Variants in NFASC observed in about 807,000 individuals in gnomAD.
NFASC encodes the protein neurofascin.
A neutral mutation model predicts 147.5 loss-of-function variants in NFASC; 43 were observed. The observed-to-expected ratio is 0.29, with a 90% confidence interval of 0.23 to 0.38. NFASC has a LOEUF of 0.38. NFASC is among the 10% of genes least tolerant of loss of function. The pLI is 1.00. For missense variants in NFASC, 1,320 were observed against 1,689.0 expected, an observed-to-expected ratio of 0.78 and a Z score of 3.83; for synonymous variants, 622 against 665.5, an observed-to-expected ratio of 0.93 and a Z score of 1.01.
intron 1 of NFASC, among the ~76,000 whole-genome samples, chr1:204,905,203 G>A (rs1314172666): frequency 6.6e-6 from 1 of 152,190 alleles, no homozygotes; most frequent in Non-Finnish European, 1.5e-5. Context: ...TCCTGCCTCA[G>A]CCTCCTGAGT....
At chr1:204,974,854 G>A (rs781471321) in intron 14 of NFASC, 31 bp downstream of exon 14, 29 of 1,600,652 alleles carry the variant, frequency 1.8e-5, no homozygotes, top group Admixed American at 3.3e-5. Context: ...GTGGGAGTTT[G>A]GAGAGGGACA....
intron 1 of NFASC, among the ~76,000 whole-genome samples, chr1:204,856,403 G>A (rs2076164483): frequency 6.6e-6 from 1 of 151,590 alleles, no homozygotes; most frequent in African/African-American, 2.4e-5. Context: ...GTGTGTGTGT[G>A]TGTGTGTGTG....
intron 24 of NFASC, among the ~76,000 whole-genome samples, chr1:204,996,195 A>C (rs2095843012): frequency 6.6e-6 from 1 of 152,192 alleles, no homozygotes; most frequent in Non-Finnish European, 1.5e-5. Context: ...ATCCAAGGAT[A>C]GCTTTGGGTG....
rs549267101 is a variant in NFASC at position 204,889,806 on chromosome 1, G to A, written c.-199-30826G>A. Reference sequence around the variant, plus strand: ...ATTGGTGAGATTTATCTGGCGGCTGGGAGCTGTCATCAGGTTTTCAGAGTA... The same window carrying A: ...ATTGGTGAGATTTATCTGGCGGCTGAGAGCTGTCATCAGGTTTTCAGAGTA... On this transcript the variant is annotated intron_variant, in intron 1 of 29. Transcript: ENST00000339876. Among the ~76,000 whole-genome samples, 9 of 152,278 alleles carry A rather than the reference G, an allele frequency of 5.9e-5. No individual in the cohort carries two copies. The South Asian group carries it at 1.5e-3, about 25-fold the overall frequency.
chr1:204,857,429 T>C (rs2076248428), intron 1 of NFASC, among the ~76,000 whole-genome samples: 2 of 152,172 alleles, frequency 1.3e-5, no homozygotes, highest in South Asian at 2.1e-4. Context: ...CGGAGCAGAA[T>C]AACCCAAAAT....
chr1:204,859,166 C>T (rs1423582655), intron 1 of NFASC, among the ~76,000 whole-genome samples: 9 of 152,054 alleles, frequency 5.9e-5, no homozygotes, highest in African/African-American at 1.9e-4. Context: ...TTAGTAGAGA[C>T]GGGGTTTCGC....
chr1:204,918,890 T>C (rs969596224), intron 1 of NFASC, among the ~76,000 whole-genome samples: 5 of 152,132 alleles, frequency 3.3e-5, no homozygotes, highest in African/African-American at 1.2e-4. Flanking sequence ...CCACCCTCTT[T>C]GAAATTTTTT....
At chr1:204,989,765 A>C (rs2095684768) in intron 23 of NFASC, 1 of 152,290 alleles carries the variant, frequency 6.6e-6, no homozygotes, top group South Asian at 2.1e-4. Context: ...AAGAATATCT[A>C]ATTGCATGTC....
At chr1:204,858,585 G>A (rs1460050989) in intron 1 of NFASC, among the ~76,000 whole-genome samples, 3 of 152,136 alleles carry the variant, frequency 2.0e-5, no homozygotes, top group East Asian at 1.9e-4. Flanking sequence ...GCAGGAGGGC[G>A]TTGTCATGGC....
intron 1 of NFASC, among the ~76,000 whole-genome samples, chr1:204,881,541 A>G (rs893274604): frequency 6.6e-6 from 1 of 152,170 alleles, no homozygotes; most frequent in African/African-American, 2.4e-5. Context: ...CCTTGTCCTG[A>G]AGACAGAAGG....
chr1:204,957,851 G>T (rs760552193), intron 8 of NFASC, 25 bp downstream of exon 8: 4 of 1,612,402 alleles, frequency 2.5e-6, no homozygotes, highest in South Asian at 1.1e-5. Flanking sequence ...CTGTCCCGGG[G>T]CTGGGGGCCA....
intron 1 of NFASC, among the ~76,000 whole-genome samples, chr1:204,895,826 A>T (rs554923872): frequency 6.2e-4 from 95 of 152,318 alleles, no homozygotes; most frequent in African/African-American, 2.3e-3. Context: ...TTTGAATTTG[A>T]GCATCTATGT....
Position 204,970,611 on chromosome 1 carries a change from T to C in NFASC, c.1004-5T>C. 2 of 1,613,744 alleles carry C rather than the reference T, an allele frequency of 1.2e-6. No homozygotes were observed. The highest frequency in any genetic ancestry group is 1.7e-6 in the Non-Finnish European group (2 of 1,180,030). On this transcript the variant is annotated splice_polypyrimidine_tract_variant and splice_region_variant and intron_variant, in intron 10 of 29. Coordinates refer to ENST00000339876, the MANE Select transcript of NFASC (RefSeq NM_001005388.3). The stretch of plus-strand genomic sequence containing the variant: ...TCCCCTGCCTGTGTCTGTCTTGTCT[T>C]CCAGCTGCTCCCTACTGGCTGGACG...
intron 1 of NFASC, among the ~76,000 whole-genome samples, chr1:204,910,465 C>CAAG (rs753153291): frequency 2.6e-5 from 4 of 151,634 alleles, no homozygotes; most frequent in Non-Finnish European, 4.4e-5. Context: ...ATTTGAGAAG[C>CAAG]AAGAGCTTTT....
chr1:204,874,425 G>A (rs1226757193), intron 1 of NFASC, among the ~76,000 whole-genome samples: 3 of 152,172 alleles, frequency 2.0e-5, no homozygotes, highest in African/African-American at 7.2e-5. Context: ...CTGACTTCCT[G>A]TTCTTCCTCA....
At chr1:204,958,290 A>G (rs11810663) in intron 8 of NFASC, among the ~76,000 whole-genome samples, 36,371 of 152,156 alleles carry the variant, frequency 0.24, 4,710 homozygotes, top group African/African-American at 0.3. Context: ...TAAGAAACCC[A>G]TAGCAGAAAA....
chr1:204,991,557 T>TCA lies in NFASC; in HGVS notation c.2782+261_2782+262dup, dbSNP rs899396462. Among the ~76,000 whole-genome samples the TCA allele has an allele frequency of 2.0e-5, 3 of 152,070 alleles. No homozygotes were observed. In the South Asian group the frequency reaches 6.2e-4, roughly 32 times the overall value. On this transcript the variant is annotated intron_variant, in intron 24 of 29. Transcript: ENST00000339876. ...GAGTAGGAGAATGGCTCAGCAGGGG[T>TCA]CACACACACACCGGCCCTGACCTGC...
chr1:204,893,057 G>A (rs2082705534), intron 1 of NFASC, among the ~76,000 whole-genome samples: 1 of 152,238 alleles, frequency 6.6e-6, no homozygotes, highest in African/African-American at 2.4e-5. Flanking sequence ...TCTGTAGGAA[G>A]CAAGAATGTA....
chr1:204,848,505 C>T (rs982771567), intron 1 of NFASC, among the ~76,000 whole-genome samples: 5 of 152,162 alleles, frequency 3.3e-5, no homozygotes, highest in Non-Finnish European at 5.9e-5. Context: ...TGATTACAGG[C>T]ATAAGCCACC....
Sources: allele counts gnomAD v4.1 joint callset (sites outside exome capture counted in the v4.1 genomes callset), GRCh38; gene constraint gnomAD v4.1.1; transcripts MANE v1.5; gene names NCBI Gene and HGNC (gene_info 2026-07-23, HGNC 2026-07-21).